Variants in STPG4 observed in about 807,000 individuals in gnomAD.
STPG4 encodes the protein sperm-tail PG-rich repeat containing 4, also known as protein STPG4.
Under a neutral mutation model 31.5 loss-of-function variants are expected in STPG4, and 41 were observed. That is an observed-to-expected ratio of 1.30 (90% confidence interval 1.01 to 1.69). STPG4 has a LOEUF of 1.69. STPG4 is among the 40% of genes most tolerant of loss of function. The pLI is 0.00. For synonymous variants in STPG4, 141 were observed against 103.0 expected, an observed-to-expected ratio of 1.37 and a Z score of -2.24; for missense variants, 375 against 293.4, an observed-to-expected ratio of 1.28 and a Z score of -2.03.
intron 3 of STPG4, among the ~76,000 whole-genome samples, chr2:47,135,362 G>T (rs1366927687): frequency 6.6e-6 from 1 of 152,040 alleles, no homozygotes; most frequent in Non-Finnish European, 1.5e-5. Context: ...AAGGGTTTAA[G>T]GTCTGTGTCT....
At chr2:47,111,745 A>G (rs572871313) in intron 5 of STPG4, among the ~76,000 whole-genome samples, 2 of 151,964 alleles carry the variant, frequency 1.3e-5, no homozygotes, top group East Asian at 3.9e-4. Flanking sequence ...ACATGTAGAT[A>G]CTCTCCTCAC....
chr2:47,102,534 T>G (rs985231332), intron 5 of STPG4, among the ~76,000 whole-genome samples: 4 of 151,832 alleles, frequency 2.6e-5, no homozygotes, highest in African/African-American at 9.7e-5. Flanking sequence ...GTGAAATACC[T>G]TATGTCCGAG....
chr2:47,091,562 A>C (rs2103724359), intron 5 of STPG4, among the ~76,000 whole-genome samples: 1 of 152,266 alleles, frequency 6.6e-6, no homozygotes, highest in South Asian at 2.1e-4. Context: ...CAAAAAACAG[A>C]AATAAGTGTT....
chr2:47,116,244 G>A (rs781557800), intron 5 of STPG4, among the ~76,000 whole-genome samples: 1 of 152,150 alleles, frequency 6.6e-6, no homozygotes. Context: ...TTTAAGAGGT[G>A]ATTAGGCCCC....
intron 5 of STPG4, chr2:47,128,974 AGGGCTCTTTAGTCAG>A (rs1686417559): frequency 6.6e-6 from 1 of 152,354 alleles, no homozygotes; most frequent in African/African-American, 2.4e-5. Context: ...TCGAAGCCCA[AGGGCTCTTTAGTCAG>A]TAGGTGATGA....
At chr2:47,101,058 A>G (rs554453884) in intron 5 of STPG4, among the ~76,000 whole-genome samples, 1 of 151,830 alleles carries the variant, frequency 6.6e-6, no homozygotes, top group African/African-American at 2.4e-5. Context: ...TCGCCGAGCA[A>G]TGAGACCATC....
intron 3 of STPG4, among the ~76,000 whole-genome samples, chr2:47,131,654 A>T (rs1419039626): frequency 6.6e-6 from 1 of 152,190 alleles, no homozygotes; most frequent in East Asian, 1.9e-4. Context: ...GATTAAATCC[A>T]ACTGGGTGAC....
At chr2:47,151,902 G>A (rs1313949949) in intron 2 of STPG4, among the ~76,000 whole-genome samples, 7 of 131,394 alleles carry the variant, frequency 5.3e-5, no homozygotes, top group South Asian at 5.8e-4. Flanking sequence ...CACTACGCCC[G>A]GCTAGTTTTT....
At chr2:47,124,949 G>T (rs1686337845) in intron 5 of STPG4, among the ~76,000 whole-genome samples, 1 of 151,964 alleles carries the variant, frequency 6.6e-6, no homozygotes, top group Admixed American at 6.6e-5. Context: ...CCTGTATTTT[G>T]GATATAAGTC....
intron 5 of STPG4, among the ~76,000 whole-genome samples, chr2:47,113,617 TAAAC>T (rs1466334831): frequency 2.0e-5 from 3 of 152,232 alleles, no homozygotes; most frequent in Non-Finnish European, 2.9e-5. Flanking sequence ...AAAATAACGA[TAAAC>T]AAGACATACA....
chr2:47,149,496 G>A (rs1253743494), intron 3 of STPG4, among the ~76,000 whole-genome samples: 2 of 152,186 alleles, frequency 1.3e-5, no homozygotes, highest in Admixed American at 6.5e-5. Flanking sequence ...TTTAGAGTTT[G>A]TATGCATCCA....
At chr2:47,121,811 G>A (rs1488349265) in intron 5 of STPG4, among the ~76,000 whole-genome samples, 1 of 151,206 alleles carries the variant, frequency 6.6e-6, no homozygotes, top group African/African-American at 2.4e-5. Context: ...CTGCACCACT[G>A]TAATCTTTGC....
chr2:47,115,745 T>A (rs957299245), intron 5 of STPG4, among the ~76,000 whole-genome samples: 1 of 145,534 alleles, frequency 6.9e-6, no homozygotes, highest in Non-Finnish European at 1.5e-5. Flanking sequence ...CTCTGCCTCC[T>A]GGGTTCAAGC....
chr2:47,127,274 T>TTTTTTTTTTTTTG, intron 5 of STPG4, among the ~76,000 whole-genome samples: 1 of 120,974 alleles, frequency 8.3e-6, no homozygotes, highest in African/African-American at 3.4e-5. Context: ...TTTTTTTTTT[T>TTTTTTTTTTTTTG]TTTTTTTTTT....
chr2:47,094,718 G>C (rs763816077), intron 5 of STPG4, among the ~76,000 whole-genome samples: 3 of 152,336 alleles, frequency 2.0e-5, no homozygotes, highest in South Asian at 2.1e-4. Context: ...GTCTTGTTAA[G>C]TGTGATCCCA....
At chr2:47,137,627 A>G (rs1042973365) in intron 3 of STPG4, among the ~76,000 whole-genome samples, 1 of 152,208 alleles carries the variant, frequency 6.6e-6, no homozygotes, top group African/African-American at 2.4e-5. Flanking sequence ...GTCTATTTTG[A>G]AAAGTTATAA....
chr2:47,122,072 C>G (rs149670943), intron 5 of STPG4, among the ~76,000 whole-genome samples: 21 of 152,286 alleles, frequency 1.4e-4, no homozygotes, highest in African/African-American at 4.3e-4. Context: ...AGCTTTCAAT[C>G]AGCCTTTTAG....
intron 3 of STPG4, among the ~76,000 whole-genome samples, chr2:47,138,198 T>C (rs1424047906): frequency 1.3e-5 from 2 of 152,210 alleles, no homozygotes; most frequent in Non-Finnish European, 2.9e-5. Context: ...GTTCAAAGTA[T>C]TTTAACATTT....
rs572125765 is a variant in STPG4, at chr2:47,087,110, T to C, written c.645A>G (p.Ala215=). ...TAGGGAATTGTCTTAAAGTTGTATA[T>C]GCTCCTGGGCCTGGGGTTTTCTGAA... ...PSCSKTPGPG[A]YTTLRQFPKQ... The change falls in exon 7 of 7, where the codon GCA becomes GCG. Residue 215 remains alanine (A), a synonymous_variant. Coordinates refer to ENST00000445927, the MANE Select transcript of STPG4 (RefSeq NM_001163561.2). 1.7e-4 allele frequency: 260 copies of C among 1,551,840 alleles called. No homozygotes were observed. The highest frequency in any genetic ancestry group is 2.1e-4 in the Non-Finnish European group (244 of 1,147,014).
Sources: allele counts gnomAD v4.1 joint callset (sites outside exome capture counted in the v4.1 genomes callset), GRCh38; gene constraint gnomAD v4.1.1; transcripts MANE v1.5; gene names NCBI Gene and HGNC (gene_info 2026-07-23, HGNC 2026-07-21).